Variants in FAM135A observed in about 807,000 individuals in gnomAD.
FAM135A encodes family with sequence similarity 135 member A.
FAM135A carries 79 observed loss-of-function variants against 146.8 expected under a neutral mutation model. The ratio of observed to expected loss-of-function variants is 0.54; its 90% CI spans 0.45 to 0.65. FAM135A has a LOEUF of 0.65. Ranked by LOEUF, FAM135A falls within the 30% of genes least tolerant of loss-of-function variation. The pLI, the probability that FAM135A is intolerant of heterozygous loss-of-function variation, is 0.00. For synonymous variants in FAM135A, 562 were observed against 603.6 expected, an observed-to-expected ratio of 0.93 and a Z score of 1.01; for missense variants, 1,623 against 1,758.2, an observed-to-expected ratio of 0.92 and a Z score of 1.38.
chr6:70,531,191 A>G (rs2128392200), intron 16 of FAM135A, among the ~76,000 whole-genome samples: 1 of 152,304 alleles, frequency 6.6e-6, no homozygotes, highest in South Asian at 2.1e-4. Context: ...TGATAAGCAG[A>G]TATTATCATT....
intron 21 of FAM135A, chr6:70,557,269 A>G: frequency 3.9e-6 from 1 of 254,812 alleles, no homozygotes; most frequent in Non-Finnish European, 7.4e-6. Context: ...GCTATTTGTG[A>G]ATAACAAAAT....
At chr6:70,488,167 A>C (rs1006066746) in intron 10 of FAM135A, among the ~76,000 whole-genome samples, 8 of 152,160 alleles carry the variant, frequency 5.3e-5, no homozygotes, top group African/African-American at 1.9e-4. Context: ...TTAGTGGCAA[A>C]ACAGTATAAA....
intron 5 of FAM135A, among the ~76,000 whole-genome samples, chr6:70,468,032 A>G (rs1209070032): frequency 1.3e-5 from 2 of 152,162 alleles, no homozygotes; most frequent in Non-Finnish European, 2.9e-5. Flanking sequence ...TCTGAGCCTC[A>G]TTTTAGGGCG....
chr6:70,440,309 A>T, intron 4 of FAM135A, among the ~76,000 whole-genome samples: 1 of 152,212 alleles, frequency 6.6e-6, no homozygotes, highest in East Asian at 1.9e-4. Context: ...TAATGGACCC[A>T]TTAAACAGTT....
rs117829260 is a variant in FAM135A at position 70,547,698 on chromosome 6, A to G, written c.4229-9052A>G. ...TTAAAACTCTGAAGTTTTAGAACAA[A>G]TGAGTAGCCAGAAGAATTGGAAAGA... is the stretch of plus-strand genomic sequence containing the variant. On this transcript the variant is annotated intron_variant, in intron 20 of 21. Coordinates refer to ENST00000418814, the MANE Select transcript of FAM135A (RefSeq NM_001162529.3). Among the ~76,000 whole-genome samples the G allele has an allele frequency of 5.9e-5, 9 of 152,326 alleles. No individual in the cohort carries two copies. The South Asian group carries it at 1.9e-3, about 32-fold the overall frequency.
chr6:70,497,403 C>T lies in FAM135A; in HGVS notation c.874-5233C>T, dbSNP rs138717719. Among the ~76,000 whole-genome samples the T allele has an allele frequency of 5.6e-3, 858 of 152,254 alleles. 3 individuals are homozygous for T. The highest frequency in any genetic ancestry group is 8.2e-3 in the Non-Finnish European group (559 of 68,004). On this transcript the variant is annotated intron_variant, in intron 11 of 21. Transcript: ENST00000418814. ...AGCTTAAGGAGATTTTGGGCTGAGA[C>T]GATGGGGTTTTCTAAATAGACAATC...
intron 5 of FAM135A, among the ~76,000 whole-genome samples, chr6:70,468,704 T>G (rs1257680429): frequency 6.6e-6 from 1 of 152,212 alleles, no homozygotes; most frequent in African/African-American, 2.4e-5. Context: ...TAGAAGACTC[T>G]TGTCTGTCTC....
chr6:70,426,961 C>G (rs767863438), intron 3 of FAM135A, among the ~76,000 whole-genome samples: 1 of 152,068 alleles, frequency 6.6e-6, no homozygotes, highest in Non-Finnish European at 1.5e-5. Flanking sequence ...TACAAACATC[C>G]GTGAAAAGAT....
intron 2 of FAM135A, among the ~76,000 whole-genome samples, chr6:70,422,360 T>G (rs1255556860): frequency 6.6e-6 from 1 of 152,222 alleles, no homozygotes; most frequent in Admixed American, 6.5e-5. Flanking sequence ...CTTGCTCTCT[T>G]TTGCCTGCTC....
rs377152323 is a variant in FAM135A, at chr6:70,426,445, C to T, written c.-127C>T. On this transcript the variant is annotated 5_prime_UTR_variant, in exon 3 of 22. The change creates a new upstream start codon in the 5' untranslated region. Transcript: ENST00000418814. ...TTACTTTTTTTTCTCATAGGGGGAA[C>T]GGTGTATTTTTAACAACGGGAATCA... 4.6e-5 allele frequency: 7 copies of T among 151,862 alleles called. No individual in the cohort carries two copies. Among genetic ancestry groups the T allele is most frequent in the East Asian group, 1.9e-4 (1 of 5,196 alleles). The allele number at this position is 151,862 out of a possible 1,614,324, so 9.4% of individuals were successfully genotyped here. A position where few individuals can be genotyped will look rare whatever the true frequency, so the allele number is the denominator to read the frequency against.
chr6:70,493,994 C>T (rs1482909580), intron 11 of FAM135A, among the ~76,000 whole-genome samples: 1 of 138,184 alleles, frequency 7.2e-6, no homozygotes, highest in Admixed American at 8.2e-5. Context: ...GCAGTGGTTA[C>T]AGTGAGCCAA....
At chr6:70,506,738 C>CTTTTTTTTTTTTTTTTTTTTTTTT (rs1336904814) in intron 12 of FAM135A, among the ~76,000 whole-genome samples, 1 of 133,072 alleles carries the variant, frequency 7.5e-6, no homozygotes, top group Non-Finnish European at 1.6e-5. Context: ...TTTGTTTTTT[C>CTTTTTTTTTTTTTTTTTTTTTTTT]TTTTTTTTTT....
intron 11 of FAM135A, among the ~76,000 whole-genome samples, chr6:70,501,048 C>G (rs1364273687): frequency 6.6e-6 from 1 of 152,210 alleles, no homozygotes; most frequent in African/African-American, 2.4e-5. Flanking sequence ...CAGCTGCTCT[C>G]TTTAGAGCCA....
rs202099839 is a variant in FAM135A at position 70,470,011 on chromosome 6, AC to A, written c.158-5398del. The stretch of plus-strand genomic sequence containing the variant: ...GTCTCAAAAAAAAGTAGAAAAAAAA[AC>A]AACAACAAAAGAACAAGAATGAGAG... On this transcript the variant is annotated intron_variant, in intron 5 of 21. Coordinates refer to ENST00000418814, the MANE Select transcript of FAM135A (RefSeq NM_001162529.3). 9.3e-3 allele frequency among the ~76,000 whole-genome samples: 1,412 copies of A among 152,174 alleles called. 17 individuals are homozygous for A. Among genetic ancestry groups the A allele is most frequent in the African/African-American group, 0.031 (1,307 of 41,494 alleles).
intron 12 of FAM135A, among the ~76,000 whole-genome samples, chr6:70,516,530 CTTTTTTTTTTTTTTTT>C (rs1174927909): frequency 7.1e-5 from 6 of 84,958 alleles, no homozygotes; most frequent in African/African-American, 3.1e-4. Context: ...ATTTTCTTTT[CTTTTTTTTTTTTTTTT>C]TTTTTTTGAG....
At chr6:70,516,198 T>C (rs1253867175) in intron 12 of FAM135A, among the ~76,000 whole-genome samples, 3 of 152,210 alleles carry the variant, frequency 2.0e-5, no homozygotes, top group Admixed American at 1.3e-4. Flanking sequence ...TACATTTGAA[T>C]TTCTTGGGAA....
At chr6:70,486,117 G>A in intron 10 of FAM135A, 1 of 1,525,996 alleles carries the variant, frequency 6.6e-7, no homozygotes, top group Non-Finnish European at 9.0e-7. Context: ...AGTAAGTTTT[G>A]TTGTGAAAGG....
intron 13 of FAM135A, among the ~76,000 whole-genome samples, chr6:70,523,705 TAAG>T (rs934163634): frequency 2.6e-5 from 4 of 152,142 alleles, no homozygotes; most frequent in Non-Finnish European, 4.4e-5. Flanking sequence ...TAAAATAACA[TAAG>T]AAAGTATGGA....
chr6:70,536,146 A>G, intron 18 of FAM135A, 114 bp from the exon 19 acceptor site: 5 of 977,224 alleles, frequency 5.1e-6, no homozygotes, highest in Non-Finnish European at 7.2e-6. Context: ...TACTTTTACA[A>G]CATTAGAAAT....
Sources: gnomAD v4.1 joint callset for allele counts (sites outside exome capture counted in the v4.1 genomes callset) on GRCh38, gnomAD v4.1.1 for gene constraint, MANE v1.5 for transcripts, NCBI Gene and HGNC (gene_info 2026-07-23, HGNC 2026-07-21) for gene names.